Variants in MDGA2 observed in about 807,000 individuals in gnomAD.
The protein encoded by MDGA2 is MAM domain containing glycosylphosphatidylinositol anchor 2, also known as MAM domain-containing glycosylphosphatidylinositol anchor protein 2.
MDGA2 carries 40 observed loss-of-function variants against 117.8 expected under a neutral mutation model. The observed-to-expected ratio is 0.34, with a 90% confidence interval of 0.26 to 0.44. The LOEUF is 0.44. Among genes scored for constraint, MDGA2 ranks in the 20% least tolerant of loss-of-function variants. The pLI is 1.00. For missense variants in MDGA2, 1,123 were observed against 1,250.6 expected (o/e 0.90, Z 1.54); for synonymous variants, 452 against 439.0 (o/e 1.03, Z -0.37).
At chr14:47,362,296 C>T (rs925601099) in intron 1 of MDGA2, among the ~76,000 whole-genome samples, 1 of 152,108 alleles carries the variant, frequency 6.6e-6, no homozygotes, top group African/African-American at 2.4e-5. Flanking sequence ...GTTATAAATA[C>T]TCAGACTCTA....
intron 1 of MDGA2, among the ~76,000 whole-genome samples, chr14:47,526,551 GGA>G (rs1894976974): frequency 6.6e-6 from 1 of 152,096 alleles, no homozygotes; most frequent in South Asian, 2.1e-4. Context: ...CAGGACGACT[GGA>G]CGGTGATATC....
intron 1 of MDGA2, among the ~76,000 whole-genome samples, chr14:47,593,619 C>T (rs1594934411): frequency 6.6e-6 from 1 of 152,012 alleles, no homozygotes; most frequent in Non-Finnish European, 1.5e-5. Context: ...CAGCCAACTA[C>T]CACAGGAACA....
chr14:47,055,900 T>A (rs1573007), intron 7 of MDGA2, among the ~76,000 whole-genome samples: 62,457 of 151,968 alleles, frequency 0.41, 14,012 homozygotes, highest in East Asian at 0.55. Context: ...TGCCAGTCTC[T>A]GATGTCCATC....
intron 1 of MDGA2, among the ~76,000 whole-genome samples, chr14:47,308,991 T>C (rs1475370643): frequency 1.3e-5 from 2 of 152,138 alleles, no homozygotes; most frequent in African/African-American, 2.4e-5. Flanking sequence ...ACTTGTCCTA[T>C]ACTATAACAC....
At chr14:47,577,378 G>A (rs758906031) in intron 1 of MDGA2, among the ~76,000 whole-genome samples, 5 of 152,064 alleles carry the variant, frequency 3.3e-5, no homozygotes, top group Admixed American at 2.6e-4. Context: ...ACATAGGCAC[G>A]GGCAAAGACT....
intron 2 of MDGA2, among the ~76,000 whole-genome samples, chr14:47,257,205 T>G (rs941397661): frequency 6.6e-6 from 1 of 152,152 alleles, no homozygotes; most frequent in African/African-American, 2.4e-5. Flanking sequence ...GGCTCTGTGT[T>G]TCTGCTCCCC....
intron 1 of MDGA2, among the ~76,000 whole-genome samples, chr14:47,502,673 G>T (rs577902181): frequency 6.6e-6 from 1 of 151,986 alleles, no homozygotes; most frequent in African/African-American, 2.4e-5. Flanking sequence ...TTTATTATTT[G>T]TATTTTTTTG....
At chr14:47,230,871 G>A (rs943773317) in intron 2 of MDGA2, among the ~76,000 whole-genome samples, 1 of 151,874 alleles carries the variant, frequency 6.6e-6, no homozygotes, top group Non-Finnish European at 1.5e-5. Flanking sequence ...ATGAATCAGA[G>A]AGCATTAACA....
At chr14:47,316,386 G>T (rs1052350021) in intron 1 of MDGA2, among the ~76,000 whole-genome samples, 2 of 151,954 alleles carry the variant, frequency 1.3e-5, no homozygotes, top group Non-Finnish European at 2.9e-5. Flanking sequence ...TATGTATATT[G>T]CCCATGTAAA....
chr14:47,514,385 T>C (rs901709193), intron 1 of MDGA2, among the ~76,000 whole-genome samples: 2 of 152,044 alleles, frequency 1.3e-5, no homozygotes, highest in African/African-American at 4.8e-5. Flanking sequence ...AAAGCCACTC[T>C]AGACTAAAAT....
intron 1 of MDGA2, among the ~76,000 whole-genome samples, chr14:47,571,255 T>C (rs139708862): frequency 0.017 from 2,630 of 152,120 alleles, 85 homozygotes; most frequent in African/African-American, 0.058. Context: ...CAGGAAACAA[T>C]AGATGCTGGA....
In MDGA2 at chr14:46,855,571, G is replaced by T. The variant is rs117298378; in HGVS notation, c.2753-417C>A. On this transcript the variant is annotated intron_variant, in intron 14 of 16. Transcript: ENST00000399232. This position sits in a 1 kb window ranked among gnomAD's most constrained non-coding sequence, Gnocchi z 4.1. ...GAGGAAGGGGCTACAAGGACTACTG[G>T]CAGCTTCTTGAAGCTAGTAAAGGCA... Among the ~76,000 whole-genome samples, 4,558 of 152,216 alleles carry T rather than the reference G, an allele frequency of 0.03. 85 individuals carry two copies. The highest frequency in any genetic ancestry group is 0.041 in the Non-Finnish European group (2,788 of 67,986).
intron 14 of MDGA2, chr14:46,872,027 A>G (rs1882024371): frequency 5.1e-6 from 1 of 194,814 alleles, no homozygotes; most frequent in East Asian, 1.2e-4. Context: ...AGTGCTATCC[A>G]TTTAGGCTTG....
At chr14:46,993,640 T>C (rs1055016185) in intron 8 of MDGA2, among the ~76,000 whole-genome samples, 6 of 152,050 alleles carry the variant, frequency 3.9e-5, no homozygotes, top group Non-Finnish European at 7.4e-5. Flanking sequence ...TTTTGTATTT[T>C]CAGTAGAGAC....
intron 7 of MDGA2, among the ~76,000 whole-genome samples, chr14:47,060,195 G>A (rs1202413469): frequency 2.0e-5 from 3 of 151,938 alleles, no homozygotes; most frequent in Admixed American, 6.6e-5. Context: ...TTGTTTTAGT[G>A]ATAGATGATA....
At chr14:47,037,017 C>T (rs11848102) in intron 7 of MDGA2, among the ~76,000 whole-genome samples, 130,239 of 152,238 alleles carry the variant, frequency 0.86, 55,811 homozygotes, top group East Asian at 0.97. Context: ...TAAAACGGCT[C>T]CATTTTATAA....
intron 14 of MDGA2, among the ~76,000 whole-genome samples, chr14:46,856,231 A>G (rs1881263421): frequency 1.3e-5 from 2 of 152,130 alleles, no homozygotes; most frequent in Non-Finnish European, 2.9e-5. Context: ...TAGGCAATCA[A>G]TATTTTACTA....
chr14:47,414,558 C>G (rs1033810145), intron 1 of MDGA2, among the ~76,000 whole-genome samples: 3 of 152,092 alleles, frequency 2.0e-5, no homozygotes, highest in Non-Finnish European at 4.4e-5. Flanking sequence ...TGAGATTAAG[C>G]ACTTGCTGAT....
At chr14:46,952,273 C>T (rs188754829) in intron 9 of MDGA2, among the ~76,000 whole-genome samples, 1 of 151,854 alleles carries the variant, frequency 6.6e-6, no homozygotes, top group East Asian at 1.9e-4. Flanking sequence ...ATTGGGAAGT[C>T]TCCTCAAAAA....
Sources: gnomAD v4.1 joint callset for allele counts (sites outside exome capture counted in the v4.1 genomes callset) on GRCh38, gnomAD v4.1.1 for gene constraint, Gnocchi (gnomAD v3.1) non-coding constraint, MANE v1.5 for transcripts, NCBI Gene and HGNC (gene_info 2026-07-23, HGNC 2026-07-21) for gene names.